The following CREB5 variants were observed in gnomAD, a reference collection of about 807,000 sequenced individuals.
CREB5 encodes cAMP responsive element binding protein 5.
Under a neutral mutation model 57.1 loss-of-function variants are expected in CREB5, and 19 were observed. The observed-to-expected ratio is 0.33, with a 90% CI of 0.23 to 0.49. CREB5 has a LOEUF of 0.49. Ranked by LOEUF, CREB5 falls within the 20% of genes least tolerant of loss-of-function variation. CREB5 has a pLI of 0.99. For synonymous variants in CREB5, 238 were observed against 238.3 expected (o/e 1.00, Z 0.01); for missense variants, 579 against 671.6 (o/e 0.86, Z 1.52).
intron 3 of CREB5, among the ~76,000 whole-genome samples, chr7:28,504,019 A>G (rs1425589952): frequency 6.6e-6 from 1 of 152,232 alleles, no homozygotes; most frequent in Admixed American, 6.5e-5. Flanking sequence ...ACTGTCCCAA[A>G]TTTTAAATTC....
intron 1 of CREB5, among the ~76,000 whole-genome samples, chr7:28,391,225 G>T (rs1243520765): frequency 6.6e-6 from 1 of 151,974 alleles, no homozygotes; most frequent in African/African-American, 2.4e-5. Flanking sequence ...ACATACGTTG[G>T]CATGGTCTTC....
At chr7:28,675,866 C>A (rs1398037132) in intron 5 of CREB5, among the ~76,000 whole-genome samples, 1 of 152,102 alleles carries the variant, frequency 6.6e-6, no homozygotes, top group Non-Finnish European at 1.5e-5. Flanking sequence ...TATAAGAAGT[C>A]AACACCAAGG....
intron 9 of CREB5, among the ~76,000 whole-genome samples, chr7:28,817,293 T>G (rs1052174116): frequency 7.2e-5 from 11 of 152,190 alleles, no homozygotes; most frequent in African/African-American, 2.7e-4. Context: ...TACTGTATGC[T>G]TCCATACCTC....
chr7:28,621,527 G>A (rs1020473303), intron 5 of CREB5, among the ~76,000 whole-genome samples: 2 of 152,116 alleles, frequency 1.3e-5, no homozygotes, highest in Non-Finnish European at 2.9e-5. Flanking sequence ...GAACAAAGTG[G>A]CCACATGCGC....
chr7:28,769,367 G>C (rs750010108), intron 7 of CREB5, among the ~76,000 whole-genome samples: 40 of 152,132 alleles, frequency 2.6e-4, no homozygotes, highest in Non-Finnish European at 5.6e-4. Context: ...ACAAAGAAAT[G>C]AATGTTTGAT....
At chr7:28,591,755 G>T (rs937975169) in intron 5 of CREB5, among the ~76,000 whole-genome samples, 2 of 152,166 alleles carry the variant, frequency 1.3e-5, no homozygotes, top group African/African-American at 2.4e-5. Flanking sequence ...TGATTGTGGG[G>T]TGTAGGAAGT....
chr7:28,403,790 A>T (rs1360768836), intron 1 of CREB5, among the ~76,000 whole-genome samples: 1 of 152,188 alleles, frequency 6.6e-6, no homozygotes, highest in Non-Finnish European at 1.5e-5. Context: ...GGCAAGGGAA[A>T]AGTGCCACCG....
Position 28,570,346 on chromosome 7 carries a change from CT to C in CREB5, c.292-18del, listed in dbSNP as rs751687494. ...ACATTGACTCCTCCTGACCTTTCCCCTGTGTCTTCTCTGGGCAGAATATCTC... is the reference window on the plus strand; with the variant it reads ...ACATTGACTCCTCCTGACCTTTCCCCGTGTCTTCTCTGGGCAGAATATCTC... On this transcript the variant is annotated intron_variant, in intron 4 of 10. Coordinates refer to ENST00000357727, the MANE Select transcript of CREB5 (RefSeq NM_182898.4). 1 of 1,602,700 alleles carries C rather than the reference CT, an allele frequency of 6.2e-7. No individual in the cohort carries two copies. The highest frequency in any genetic ancestry group is 2.2e-5 in the East Asian group (1 of 44,596).
intron 7 of CREB5, among the ~76,000 whole-genome samples, chr7:28,782,125 C>T (rs1190679016): frequency 1.4e-3 from 1 of 734 alleles, no homozygotes; most frequent in Non-Finnish European, 2.2e-3. Flanking sequence ...TAAGGGTAAA[C>T]TTCTCAACCC....
At chr7:28,485,675 C>T (rs897830278) in intron 1 of CREB5, among the ~76,000 whole-genome samples, 1 of 152,022 alleles carries the variant, frequency 6.6e-6, no homozygotes, top group Non-Finnish European at 1.5e-5. Flanking sequence ...AATGATCTGG[C>T]AATGGTCAGG....
intron 7 of CREB5, among the ~76,000 whole-genome samples, chr7:28,789,517 A>G (rs887013840): frequency 6.6e-6 from 1 of 152,222 alleles, no homozygotes. Flanking sequence ...ACCCTGCCTT[A>G]TCAGCACTCT....
In CREB5 at chr7:28,498,200, T is replaced by A. The variant is rs368780201; in HGVS notation, c.169+3201T>A. On this transcript the variant is annotated intron_variant, in intron 3 of 10. Coordinates refer to ENST00000357727, the MANE Select transcript of CREB5 (RefSeq NM_182898.4). Reference sequence around the variant, plus strand: ...CCTATCATGAAGATGAATGATTTTATATGACTTGTAATATAGTAGCAACAA... The same window carrying A: ...CCTATCATGAAGATGAATGATTTTAAATGACTTGTAATATAGTAGCAACAA... Among the ~76,000 whole-genome samples, 5 of 152,324 alleles carry A rather than the reference T, an allele frequency of 3.3e-5. 1 individual carries two copies. The East Asian group carries it at 9.6e-4, about 29-fold the overall frequency.
At position 28,306,555 on chromosome 7, in the gene CREB5, GTTTTTTTTTTTTT is replaced by G. The variant is rs869277871; in HGVS notation, c.-25+7125_-25+7137del. 2.4e-4 allele frequency among the ~76,000 whole-genome samples: 14 copies of G among 58,086 alleles called. No individual in the cohort carries two copies. The East Asian group carries it at 3.9e-3, about 16-fold the overall frequency. 38.1% of individuals were successfully genotyped at this position (58,086 alleles called of 152,430 possible). A position where few individuals can be genotyped will look rare whatever the true frequency, so the allele number is the denominator to read the frequency against. On this transcript the variant is annotated intron_variant, in intron 1 of 9. Transcript: ENST00000396299. Reference sequence around the variant, plus strand: ...ATACAGATACAGTTTTGTTTTTTTTGTTTTTTTTTTTTTTTTTTTTTTTGAGACGGAGTCTCGC... The same window carrying G: ...ATACAGATACAGTTTTGTTTTTTTTGTTTTTTTTTTGAGACGGAGTCTCGC...
chr7:28,805,541 C>T (rs925423124), intron 8 of CREB5, among the ~76,000 whole-genome samples: 13 of 152,128 alleles, frequency 8.5e-5, no homozygotes, highest in African/African-American at 2.7e-4. Flanking sequence ...ACTTTATACC[C>T]GGCAGCTTTT....
chr7:28,584,619 C>T (rs1367703381), intron 5 of CREB5, among the ~76,000 whole-genome samples: 1 of 152,148 alleles, frequency 6.6e-6, no homozygotes, highest in African/African-American at 2.4e-5. Context: ...GCTGCTGACA[C>T]CTTGATTTCA....
chr7:28,672,182 AAAAAAAACAC>A (rs1484079439), intron 5 of CREB5, among the ~76,000 whole-genome samples: 16 of 92,284 alleles, frequency 1.7e-4, no homozygotes, highest in Non-Finnish European at 3.4e-4. Context: ...ATGGAAAAAA[AAAAAAAACAC>A]ACACACACAC....
chr7:28,348,657 G>A (rs1013584945), intron 1 of CREB5, among the ~76,000 whole-genome samples: 3 of 152,116 alleles, frequency 2.0e-5, no homozygotes, highest in Admixed American at 6.5e-5. Flanking sequence ...AACAGCATCC[G>A]TCTTTCCATT....
chr7:28,537,575 G>C (rs1338852245), intron 4 of CREB5, among the ~76,000 whole-genome samples: 2 of 152,158 alleles, frequency 1.3e-5, no homozygotes, highest in African/African-American at 4.8e-5. Context: ...TACAGGGGGA[G>C]TTAACAGAGG....
At chr7:28,597,721 G>A (rs1583686337) in intron 5 of CREB5, among the ~76,000 whole-genome samples, 3 of 152,180 alleles carry the variant, frequency 2.0e-5, no homozygotes, top group Admixed American at 2.0e-4. Context: ...CTGACTTTGG[G>A]CCCCTGATGA....
Sources: allele counts gnomAD v4.1 joint callset (sites outside exome capture counted in the v4.1 genomes callset), GRCh38; gene constraint gnomAD v4.1.1; transcripts MANE v1.5; gene names NCBI Gene and HGNC (gene_info 2026-07-23, HGNC 2026-07-21).